SCAMP1: variants seen among roughly 807,000 people sequenced by gnomAD.
SCAMP1 encodes the protein secretory carrier-associated membrane protein 1.
In SCAMP1, 15 loss-of-function variants were observed where a neutral mutation model predicts 41.8. That is an observed-to-expected ratio of 0.36 (90% CI 0.24 to 0.55). The LOEUF is 0.55. SCAMP1 is among the 20% of genes least tolerant of loss of function. The pLI is 0.86. For missense variants in SCAMP1, 341 were observed against 412.6 expected (o/e 0.83, Z 1.50); for synonymous variants, 135 against 136.8 (o/e 0.99, Z 0.09).
chr5:78,446,345 T>C (rs1445267324), intron 6 of SCAMP1, among the ~76,000 whole-genome samples: 1 of 152,210 alleles, frequency 6.6e-6, no homozygotes, highest in Non-Finnish European at 1.5e-5. Flanking sequence ...GCTTCTAGAA[T>C]GTGTCTAAGA....
rs1170278796 is a variant in SCAMP1, at chr5:78,416,546, T to G, written c.240T>G (p.His80Gln). 1 of 1,588,838 alleles carries G rather than the reference T, an allele frequency of 6.3e-7. No homozygotes were observed. ...TATTGATATTTTTTATTTAGGAACATGCATTGGCCCAAGCTGAACTTCTTA... is the reference window on the plus strand; with the variant it reads ...TATTGATATTTTTTATTTAGGAACAGGCATTGGCCCAAGCTGAACTTCTTA... Reference protein sequence around the residue: ...HPAYTQIAKEHALAQAELLKR... With the variant: ...HPAYTQIAKEQALAQAELLKR... Residue 80 changes from histidine (H) to glutamine (Q), a missense_variant, in exon 4 of 9, where the codon CAT becomes CAG. His to Gln is a conservative substitution (Grantham distance 24). Transcript: ENST00000621999.
intron 6 of SCAMP1, among the ~76,000 whole-genome samples, chr5:78,422,302 C>T (rs372039100): frequency 3.0e-5 from 4 of 134,140 alleles, no homozygotes; most frequent in South Asian, 5.1e-4. Flanking sequence ...AATCAAAATC[C>T]CAATTGGTGC....
chr5:78,476,372 T>C lies in SCAMP1; in HGVS notation c.*704T>C, dbSNP rs1237402278. ...CACAGAAATGATATTCTGCAAGAATTTCTTTTAAATAAAAAGTTTGGGGGT... is the reference window on the plus strand; with the variant it reads ...CACAGAAATGATATTCTGCAAGAATCTCTTTTAAATAAAAAGTTTGGGGGT... On this transcript the variant is annotated 3_prime_UTR_variant, in exon 9 of 9. Transcript: ENST00000621999. 1.3e-5 allele frequency: 2 copies of C among 152,374 alleles called. No homozygotes were observed. Among genetic ancestry groups the C allele is most frequent in the African/African-American group, 4.8e-5 (2 of 41,450 alleles). The allele number at this position is 152,374 out of a possible 1,614,324, so 9.4% of individuals were successfully genotyped here.
intron 7 of SCAMP1, among the ~76,000 whole-genome samples, chr5:78,454,338 T>C (rs867225066): frequency 2.0e-4 from 30 of 152,140 alleles, no homozygotes; most frequent in African/African-American, 2.4e-4. Context: ...ATAGCTCTTA[T>C]TATTTTGAAA....
chr5:78,369,897 AC>A (rs2112046335), intron 1 of SCAMP1, among the ~76,000 whole-genome samples: 1 of 152,278 alleles, frequency 6.6e-6, no homozygotes, highest in East Asian at 1.9e-4. Flanking sequence ...GACTTTTGCC[AC>A]CCTGGCCTCA....
chr5:78,479,962 C>T lies in SCAMP1; in HGVS notation c.*4294C>T, dbSNP rs1343035527. Reference sequence around the variant, plus strand: ...TTGGGAGGCTGAGGCAGGAGAATGACGTGAACCTGGGAGGCGGAGCTTGCA... The same window carrying T: ...TTGGGAGGCTGAGGCAGGAGAATGATGTGAACCTGGGAGGCGGAGCTTGCA... On this transcript the variant is annotated 3_prime_UTR_variant, in exon 9 of 9. Transcript: ENST00000621999. Among the ~76,000 whole-genome samples, 3 of 151,832 alleles carry T rather than the reference C, an allele frequency of 2.0e-5. No homozygotes were observed. Among genetic ancestry groups the T allele is most frequent in the Non-Finnish European group, 4.4e-5 (3 of 67,994 alleles).
intron 6 of SCAMP1, among the ~76,000 whole-genome samples, chr5:78,439,907 T>G (rs1262739857): frequency 6.6e-6 from 1 of 152,220 alleles, no homozygotes; most frequent in Non-Finnish European, 1.5e-5. Flanking sequence ...GGAGGCTTTG[T>G]TGATTTCTTT....
intron 1 of SCAMP1, among the ~76,000 whole-genome samples, chr5:78,368,500 C>G (rs1750855764): frequency 6.6e-6 from 1 of 152,140 alleles, no homozygotes. Flanking sequence ...TTAATATGAA[C>G]CACCAGTGTG....
intron 2 of SCAMP1, among the ~76,000 whole-genome samples, chr5:78,389,162 C>G (rs1379919331): frequency 6.6e-6 from 1 of 152,044 alleles, no homozygotes; most frequent in Non-Finnish European, 1.5e-5. Context: ...TCACAATAAT[C>G]TTTCTAAAAT....
rs116273349 is a variant in SCAMP1, at chr5:78,432,798, C to T, written c.632+10838C>T. Among the ~76,000 whole-genome samples, 968 of 152,190 alleles carry T rather than the reference C, an allele frequency of 6.4e-3. 8 individuals are homozygous for T. The highest frequency in any genetic ancestry group is 0.022 in the African/African-American group (920 of 41,536). ...TCATTAATTTTGGAAAATTCTCAGTCATTCACTGTCTCTTTACATATTTCT... is the reference window on the plus strand; with the variant it reads ...TCATTAATTTTGGAAAATTCTCAGTTATTCACTGTCTCTTTACATATTTCT... On this transcript the variant is annotated intron_variant, in intron 6 of 8. Transcript: ENST00000621999.
chr5:78,388,746 C>T, intron 1 of SCAMP1, 91 bp from the exon 2 acceptor site: 1 of 628,556 alleles, frequency 1.6e-6, no homozygotes. Context: ...TGCATGACCA[C>T]AAGTATAGAT....
chr5:78,452,063 A>T (rs892179793), intron 7 of SCAMP1, among the ~76,000 whole-genome samples: 1 of 152,250 alleles, frequency 6.6e-6, no homozygotes, highest in Non-Finnish European at 1.5e-5. Context: ...ACTATTACAA[A>T]TAAAGCTGCC....
intron 2 of SCAMP1, among the ~76,000 whole-genome samples, chr5:78,391,717 A>G (rs960371096): frequency 6.6e-6 from 1 of 152,204 alleles, no homozygotes; most frequent in Non-Finnish European, 1.5e-5. Context: ...CCTGGGCGCC[A>G]TTGAGCACTG....
intron 1 of SCAMP1, among the ~76,000 whole-genome samples, chr5:78,375,158 AGT>A (rs1222419248): frequency 6.6e-6 from 1 of 152,136 alleles, no homozygotes; most frequent in African/African-American, 2.4e-5. Flanking sequence ...CAAATTGTCT[AGT>A]GTAAGTGTAT....
At chr5:78,470,576 T>G (rs961856577) in intron 8 of SCAMP1, among the ~76,000 whole-genome samples, 1 of 152,178 alleles carries the variant, frequency 6.6e-6, no homozygotes, top group African/African-American at 2.4e-5. Context: ...CATTTGAGAT[T>G]TTCCCACCTT....
At chr5:78,455,358 C>T (rs1286451398) in intron 7 of SCAMP1, among the ~76,000 whole-genome samples, 11 of 125,090 alleles carry the variant, frequency 8.8e-5, no homozygotes, top group Non-Finnish European at 1.5e-4. Flanking sequence ...GCTTTGAATG[C>T]ATCCCAGAGA....
intron 6 of SCAMP1, among the ~76,000 whole-genome samples, chr5:78,443,212 CAAAAAAAAAAAA>C (rs398051015): frequency 6.1e-5 from 4 of 66,046 alleles, no homozygotes; most frequent in African/African-American, 1.2e-4. Context: ...GACTCTGTCT[CAAAAAAAAAAAA>C]AAAAAAAAAA....
intron 2 of SCAMP1, among the ~76,000 whole-genome samples, chr5:78,406,175 A>G (rs758092197): frequency 7.2e-5 from 11 of 152,190 alleles, no homozygotes; most frequent in Non-Finnish European, 1.2e-4. Flanking sequence ...AAGAATCACC[A>G]TGGGGAGTTT....
chr5:78,423,873 T>C (rs1391935801), intron 6 of SCAMP1, among the ~76,000 whole-genome samples: 1 of 151,872 alleles, frequency 6.6e-6, no homozygotes, highest in East Asian at 1.9e-4. Context: ...AGATGGAGTT[T>C]TGCTCTTGTT....
Sources: gnomAD v4.1 joint callset for allele counts (sites outside exome capture counted in the v4.1 genomes callset) on GRCh38, gnomAD v4.1.1 for gene constraint, MANE v1.5 for transcripts, NCBI Gene and HGNC (gene_info 2026-07-23, HGNC 2026-07-21) for gene names.